Variants in DNMBP observed in about 807,000 individuals in gnomAD.
The protein encoded by DNMBP is dynamin binding protein.
DNMBP carries 87 observed loss-of-function variants against 150.0 expected under a neutral mutation model. The ratio of observed to expected loss-of-function variants is 0.58; its 90% CI spans 0.49 to 0.69. The LOEUF (loss-of-function observed/expected upper bound fraction) is 0.69, where lower values mean the gene tolerates loss of function less well. Among genes scored for constraint, DNMBP ranks in the 30% least tolerant of loss-of-function variants. The probability of loss-of-function intolerance (pLI) is 0.00; values close to 1 mark genes in which losing one functional copy is unlikely to be tolerated. For synonymous variants in DNMBP, 711 were observed against 750.4 expected (o/e 0.95, Z 0.86); for missense variants, 1,774 against 1,949.0 (o/e 0.91, Z 1.69).
At chr10:99,964,135 CTTTTTTTT>C (rs895801002) in intron 3 of DNMBP, among the ~76,000 whole-genome samples, 30 of 87,224 alleles carry the variant, frequency 3.4e-4, no homozygotes, top group Middle Eastern at 0.011. Flanking sequence ...TATTCTCTCT[CTTTTTTTT>C]TTTTTTTTTT....
chr10:99,886,694 A>G (rs2039472375), intron 12 of DNMBP, 62 bp from the exon 13 acceptor site: 1 of 1,509,154 alleles, frequency 6.6e-7, no homozygotes, highest in African/African-American at 1.4e-5. Context: ...TGATTATCCA[A>G]GTCACTCTTA....
At chr10:99,893,313 C>T (rs1477923483) in intron 11 of DNMBP, among the ~76,000 whole-genome samples, 1 of 152,182 alleles carries the variant, frequency 6.6e-6, no homozygotes, top group African/African-American at 2.4e-5. Context: ...ATGATGTATC[C>T]ACAAGGATAT....
chr10:99,964,770 C>A (rs1165066695), intron 3 of DNMBP, among the ~76,000 whole-genome samples: 1 of 151,460 alleles, frequency 6.6e-6, no homozygotes, highest in South Asian at 2.1e-4. Context: ...ATTCGGGAGG[C>A]TAAGGCATGA....
chr10:99,954,681 T>C (rs1267067429), intron 4 of DNMBP, among the ~76,000 whole-genome samples: 3 of 139,210 alleles, frequency 2.2e-5, no homozygotes, highest in Non-Finnish European at 3.1e-5. Context: ...GAGGCAGAGG[T>C]TGTGGTAAGC....
intron 4 of DNMBP, chr10:99,914,112 G>T: frequency 2.9e-6 from 4 of 1,361,176 alleles, no homozygotes; most frequent in Non-Finnish European, 3.8e-6. Context: ...TATGAATCGC[G>T]CAAGTCACCC....
rs1324540078 is a variant in DNMBP at position 99,908,977 on chromosome 10, G to A, written c.2430C>T (p.Ile810=). 6.2e-7 allele frequency: 1 copy of A among 1,613,822 alleles called. No individual in the cohort carries two copies. The highest frequency in any genetic ancestry group is 2.2e-5 in the East Asian group (1 of 44,878). The change falls in exon 5 of 17, where the codon ATC becomes ATT. Residue 810 remains isoleucine (I), a synonymous_variant. Transcript: ENST00000324109. ...CCTGTGCCTGCTGCATGGGTACCAT[G>A]ATCCGCTCAATACACATTTCCAGAT... is the stretch of plus-strand genomic sequence containing the variant. ...IRDLEMCIER[I]MVPMQQAQVP...
At chr10:99,936,824 C>T (rs2040237954) in intron 4 of DNMBP, among the ~76,000 whole-genome samples, 1 of 152,158 alleles carries the variant, frequency 6.6e-6, no homozygotes, top group Non-Finnish European at 1.5e-5. Context: ...CCCACCTCAG[C>T]CTCCCTAGTA....
At chr10:99,924,068 C>A (rs1054029770) in intron 4 of DNMBP, among the ~76,000 whole-genome samples, 1 of 146,408 alleles carries the variant, frequency 6.8e-6, no homozygotes, top group African/African-American at 2.5e-5. Flanking sequence ...ACAGGAGAAT[C>A]GCTTGAACCT....
chr10:99,903,156 G>C (rs2133235370), intron 6 of DNMBP, among the ~76,000 whole-genome samples: 1 of 149,736 alleles, frequency 6.7e-6, no homozygotes, highest in Non-Finnish European at 1.5e-5. Context: ...GCCCAGGCTG[G>C]GCTTGAACTC....
intron 1 of DNMBP, among the ~76,000 whole-genome samples, chr10:99,975,560 T>C (rs535126920): frequency 1.3e-5 from 2 of 152,162 alleles, no homozygotes; most frequent in Non-Finnish European, 2.9e-5. Context: ...TTGTCTATAA[T>C]AAGACGACTT....
rs1400803581 is a variant in DNMBP at position 99,969,208 on chromosome 10, C to T, written c.175G>A (p.Val59Met). Residue 59 changes from valine (V) to methionine (M), a missense_variant, in exon 3 of 17, where the codon GTG becomes ATG. Physicochemically the swap from Val to Met is conservative, Grantham distance 21. Coordinates refer to ENST00000324109, the MANE Select transcript of DNMBP (RefSeq NM_015221.4). ...CCCTCTTTTAGACTGGGAATGGTCA[C>T]AATTTCCACAAAACTGCTGGGGAAT... ...GQFPSSFVEIVTIPSLKEGER... is the reference protein window; with the variant it reads ...GQFPSSFVEIMTIPSLKEGER... 2.5e-6 allele frequency: 4 copies of T among 1,613,916 alleles called. No individual in the cohort carries two copies. Among genetic ancestry groups the T allele is most frequent in the Non-Finnish European group, 3.4e-6 (4 of 1,179,942 alleles).
In DNMBP at chr10:100,002,336, AAGAG is replaced by A. The variant is rs201159427; in HGVS notation, c.-11+7498_-11+7501del. ...GCTAGTCTAAAAAGAAAGAAAAAGAAAGAGAGAGAAGAGCTGGCCATGAGAATTC... is the reference window on the plus strand; with the variant it reads ...GCTAGTCTAAAAAGAAAGAAAAAGAAAGAGAAGAGCTGGCCATGAGAATTC... On this transcript the variant is annotated intron_variant, in intron 1 of 16. Transcript: ENST00000324109. 2.4e-3 allele frequency among the ~76,000 whole-genome samples: 353 copies of A among 149,394 alleles called. 1 individual carries two copies. The highest frequency in any genetic ancestry group is 4.4e-3 in the Non-Finnish European group (294 of 67,394).
At chr10:99,914,057 C>A in intron 4 of DNMBP, 7 of 1,467,104 alleles carry the variant, frequency 4.8e-6, no homozygotes, top group Non-Finnish European at 6.3e-6. Flanking sequence ...CCCCCAAACT[C>A]CTTTGAATAG....
chr10:99,938,487 T>C (rs1427712696), intron 4 of DNMBP, among the ~76,000 whole-genome samples: 1 of 152,122 alleles, frequency 6.6e-6, no homozygotes, highest in African/African-American at 2.4e-5. Context: ...GAGGTTGCAG[T>C]GAGCCAAGAT....
chr10:99,956,889 T>C lies in DNMBP; in HGVS notation c.585A>G (p.Pro195=). 6.2e-7 allele frequency: 1 copy of C among 1,614,174 alleles called. No individual in the cohort carries two copies. Among genetic ancestry groups the C allele is most frequent in the African/African-American group, 1.3e-5 (1 of 75,038 alleles). The change falls in exon 4 of 17, where the codon CCA becomes CCG. Residue 195 remains proline (P), a synonymous_variant. Transcript: ENST00000324109. The part of the protein sequence containing the change: ...GELEGRRGIF[P]EGFVELLGPL... The stretch of plus-strand genomic sequence containing the variant: ...GCCCCAACAGCTCTACAAAACCTTC[T>C]GGAAAAATGCCTCTTCGGCCCTCTA...
intron 11 of DNMBP, among the ~76,000 whole-genome samples, chr10:99,891,463 G>C (rs1007527947): frequency 2.0e-5 from 3 of 151,914 alleles, no homozygotes; most frequent in Admixed American, 1.3e-4. Context: ...ACGGAGTCTC[G>C]TTCACTCAGT....
intron 4 of DNMBP, chr10:99,928,062 A>G (rs1292653379): frequency 6.6e-6 from 1 of 152,206 alleles, no homozygotes; most frequent in African/African-American, 2.4e-5. Flanking sequence ...AGTCCCTATC[A>G]TTTCAGAGAG....
At chr10:99,930,465 T>C (rs1242029359) in intron 4 of DNMBP, 1 of 703,012 alleles carries the variant, frequency 1.4e-6, no homozygotes. Context: ...TGGACTCCTA[T>C]AACCATCATG....
At chr10:99,918,449 G>T (rs1024161362) in intron 4 of DNMBP, among the ~76,000 whole-genome samples, 23 of 152,062 alleles carry the variant, frequency 1.5e-4, no homozygotes, top group Non-Finnish European at 7.4e-5. Context: ...TCCCTGCTGG[G>T]AGAAATTCCA....
Sources: gnomAD v4.1 joint callset for allele counts (sites outside exome capture counted in the v4.1 genomes callset) on GRCh38, gnomAD v4.1.1 for gene constraint, MANE v1.5 for transcripts, NCBI Gene and HGNC (gene_info 2026-07-23, HGNC 2026-07-21) for gene names.